SRC: variants seen among roughly 807,000 people sequenced by gnomAD.
The protein encoded by SRC is proto-oncogene tyrosine-protein kinase Src.
Under a neutral mutation model 62.9 loss-of-function variants are expected in SRC, and 13 were observed. The ratio of observed to expected loss-of-function variants is 0.21; its 90% CI spans 0.13 to 0.33. SRC has a LOEUF of 0.33. SRC is among the 10% of genes least tolerant of loss of function. The pLI is 1.00. For synonymous variants in SRC, 302 were observed against 317.5 expected, an observed-to-expected ratio of 0.95 and a Z score of 0.52; for missense variants, 457 against 737.3, an observed-to-expected ratio of 0.62 and a Z score of 4.40.
chr20:37,367,412 C>T (rs1352339755), intron 2 of SRC, among the ~76,000 whole-genome samples: 1 of 151,956 alleles, frequency 6.6e-6, no homozygotes, highest in Non-Finnish European at 1.5e-5. Flanking sequence ...TTACTAGTGA[C>T]ATTAAGCATC....
At chr20:37,373,323 CACAT>C (rs886328075) in intron 2 of SRC, among the ~76,000 whole-genome samples, 69 of 151,176 alleles carry the variant, frequency 4.6e-4, no homozygotes, top group African/African-American at 1.5e-3. Flanking sequence ...CATATGTACA[CACAT>C]ACACACATGT....
At position 37,384,525 on chromosome 20, in the gene SRC, C is replaced by G; in HGVS notation, c.250+122C>G. 235 of 567,622 alleles carry G rather than the reference C, an allele frequency of 4.1e-4. No homozygotes were observed. Among genetic ancestry groups the G allele is most frequent in the Middle Eastern group, 1.3e-3 (2 of 1,512 alleles). 35.2% of individuals were successfully genotyped at this position (567,622 alleles called of 1,614,324 possible). A position where few individuals can be genotyped will look rare whatever the true frequency, so the allele number is the denominator to read the frequency against. On this transcript the variant is annotated intron_variant, in intron 4 of 13. Transcript: ENST00000373578. The surrounding 1 kb of genome is among the most constrained non-coding windows in gnomAD (Gnocchi z 6.7). ...CTTCCTCTCGCCAGGGGTAGCGCCC[C>G]TGGGTGACTTGGGTGTCCGGGGGGT...
At chr20:37,386,386 C>A (rs1033522418) in intron 5 of SRC, 1 of 719,964 alleles carries the variant, frequency 1.4e-6, no homozygotes, top group African/African-American at 1.7e-5. Flanking sequence ...CCTCCCAATC[C>A]CTGGCTCTCG....
At chr20:37,381,254 T>G (rs6018199) in intron 2 of SRC, among the ~76,000 whole-genome samples, 39,189 of 152,094 alleles carry the variant, frequency 0.26, 7,107 homozygotes, top group African/African-American at 0.52. Context: ...TGCCCCAGTG[T>G]GGAGTGGTCT....
intron 1 of SRC, among the ~76,000 whole-genome samples, chr20:37,352,261 A>G (rs557465567): frequency 1.3e-5 from 2 of 152,344 alleles, no homozygotes; most frequent in Admixed American, 6.5e-5. Context: ...GCCTGCACTC[A>G]GGAAGTGCAT....
intron 1 of SRC, among the ~76,000 whole-genome samples, chr20:37,363,026 C>G (rs2070000231): frequency 6.6e-6 from 1 of 152,196 alleles, no homozygotes; most frequent in African/African-American, 2.4e-5. Context: ...CACTCCCCAC[C>G]CTCTCTTCAC....
rs112825998 is a variant in SRC at position 37,384,984 on chromosome 20, C to G, written c.250+581C>G. 0.012 allele frequency among the ~76,000 whole-genome samples: 1,761 copies of G among 152,374 alleles called. 16 individuals carry two copies. The highest frequency in any genetic ancestry group is 0.027 in the Middle Eastern group (8 of 294). On this transcript the variant is annotated intron_variant, in intron 4 of 13. Coordinates refer to ENST00000373578, the MANE Select transcript of SRC (RefSeq NM_198291.3). This position sits in a 1 kb window ranked among gnomAD's most constrained non-coding sequence, Gnocchi z 6.7. ...GACCCGTTCACTCTCCCCACAGGCACACGCTGGGCCACACACACGGCTACA... is the reference window on the plus strand; with the variant it reads ...GACCCGTTCACTCTCCCCACAGGCAGACGCTGGGCCACACACACGGCTACA...
In SRC at chr20:37,397,588, C is replaced by A. The variant is rs1269228771; in HGVS notation, c.704-111C>A. 3 of 1,370,342 alleles carry A rather than the reference C, an allele frequency of 2.2e-6. No individual in the cohort carries two copies. The highest frequency in any genetic ancestry group is 5.4e-5 in the East Asian group (2 of 37,054). 84.9% of individuals were successfully genotyped at this position (1,370,342 alleles called of 1,614,324 possible). A position where few individuals can be genotyped will look rare whatever the true frequency, so the allele number is the denominator to read the frequency against. On this transcript the variant is annotated intron_variant, in intron 8 of 13. Transcript: ENST00000373578. The surrounding 1 kb of genome is among the most constrained non-coding windows in gnomAD (Gnocchi z 4.1). ...GATGCCTGGCTTTGAGGGCACCCTG[C>A]GTGTCCCCTGAAATCTGTGTGCATC...
At chr20:37,368,413 G>A (rs890017081) in intron 2 of SRC, among the ~76,000 whole-genome samples, 7 of 149,708 alleles carry the variant, frequency 4.7e-5, no homozygotes, top group African/African-American at 1.7e-4. Context: ...GTGAGACTCC[G>A]TCTCAAAACA....
intron 1 of SRC, among the ~76,000 whole-genome samples, chr20:37,354,318 C>A (rs1190727831): frequency 6.6e-6 from 1 of 152,160 alleles, no homozygotes; most frequent in Non-Finnish European, 1.5e-5. Context: ...TCAGTTGCTT[C>A]CCCTCGCTGA....
chr20:37,375,236 C>CA (rs2070258477), intron 2 of SRC, among the ~76,000 whole-genome samples: 2 of 147,024 alleles, frequency 1.4e-5, no homozygotes, highest in African/African-American at 5.0e-5. Context: ...TGGCCTCTTT[C>CA]CTTTTTTTTT....
intron 5 of SRC, among the ~76,000 whole-genome samples, chr20:37,387,713 G>T (rs1156276599): frequency 6.6e-6 from 1 of 152,218 alleles, no homozygotes; most frequent in Non-Finnish European, 1.5e-5. Context: ...CCTCACTTCT[G>T]GGTCCCCATA....
chr20:37,387,317 A>G (rs2070472232), intron 5 of SRC, among the ~76,000 whole-genome samples: 1 of 152,206 alleles, frequency 6.6e-6, no homozygotes. Flanking sequence ...GCAAAGGGGA[A>G]CAGAGGTGCC....
At chr20:37,346,645 G>A (rs1054658575) in intron 1 of SRC, among the ~76,000 whole-genome samples, 1 of 150,930 alleles carries the variant, frequency 6.6e-6, no homozygotes, top group Non-Finnish European at 1.5e-5. Context: ...TGGGCTGCCC[G>A]GCCCTGCGCC....
At position 37,393,988 on chromosome 20, in the gene SRC, T is replaced by C. The variant is rs778050210; in HGVS notation, c.444T>C (p.Ala148=). The C allele has an allele frequency of 6.2e-7, 1 of 1,613,628 alleles. No homozygotes were observed. Among genetic ancestry groups the C allele is most frequent in the Admixed American group, 1.7e-5 (1 of 60,026 alleles). ...NYVAPSDSIQ[A]EEWYFGKITR... ...TGGCGCCCTCCGACTCCATCCAGGCTGAGGAGTGAGTACCGTCTCTGGCTG... is the reference window on the plus strand; with the variant it reads ...TGGCGCCCTCCGACTCCATCCAGGCCGAGGAGTGAGTACCGTCTCTGGCTG... The change falls in exon 6 of 14, where the codon GCT becomes GCC. Residue 148 remains alanine, a synonymous_variant. Transcript: ENST00000373578.
intron 1 of SRC, among the ~76,000 whole-genome samples, chr20:37,357,504 A>G (rs2069901860): frequency 6.6e-6 from 1 of 152,206 alleles, no homozygotes; most frequent in Admixed American, 6.5e-5. Flanking sequence ...CTGGTACCCA[A>G]GCATCCCAGC....
At chr20:37,386,409 A>G (rs2070456253) in intron 5 of SRC, 3 of 715,938 alleles carry the variant, frequency 4.2e-6, no homozygotes, top group Non-Finnish European at 7.8e-6. Flanking sequence ...TGCTCCCTCC[A>G]GCCCTCTCTC....
At chr20:37,394,738 C>G (rs554785508) in intron 7 of SRC, among the ~76,000 whole-genome samples, 3 of 152,172 alleles carry the variant, frequency 2.0e-5, no homozygotes, top group African/African-American at 7.2e-5. Flanking sequence ...TCCCCTTTCT[C>G]TCCAGCCCCT....
At chr20:37,377,231 C>T (rs2070291926) in intron 2 of SRC, among the ~76,000 whole-genome samples, 1 of 152,210 alleles carries the variant, frequency 6.6e-6, no homozygotes, top group African/African-American at 2.4e-5. Flanking sequence ...TTGTCATGCA[C>T]TTATTCTTTT....
Sources: allele counts gnomAD v4.1 joint callset (sites outside exome capture counted in the v4.1 genomes callset), GRCh38; gene constraint gnomAD v4.1.1; non-coding constraint Gnocchi (gnomAD v3.1); transcripts MANE v1.5; gene names NCBI Gene and HGNC (gene_info 2026-07-23, HGNC 2026-07-21).